CEP128: variants seen among roughly 807,000 people sequenced by gnomAD.
The protein encoded by CEP128 is centrosomal protein 128kDa.
CEP128 carries 132 observed loss-of-function variants against 156.7 expected under a neutral mutation model. That is an observed-to-expected ratio of 0.84 (90% confidence interval 0.73 to 0.97). CEP128 has a LOEUF of 0.97. CEP128 is among the 50% of genes least tolerant of loss of function. The pLI is 0.00. For synonymous variants in CEP128, 469 were observed against 448.9 expected (o/e 1.04, Z -0.57); for missense variants, 1,252 against 1,281.9 (o/e 0.98, Z 0.36).
chr14:80,958,464 GA>G (rs895917063), intron 1 of CEP128, among the ~76,000 whole-genome samples: 1 of 152,068 alleles, frequency 6.6e-6, no homozygotes, highest in Non-Finnish European at 1.5e-5. Context: ...AGGCTTTGGA[GA>G]AAAAAGTCTG....
At chr14:80,653,554 G>A (rs1895003128) in intron 19 of CEP128, among the ~76,000 whole-genome samples, 1 of 152,108 alleles carries the variant, frequency 6.6e-6, no homozygotes, top group African/African-American at 2.4e-5. Context: ...ATGCCATCTA[G>A]GACTTTCATA....
chr14:80,794,243 C>G (rs1206982123), intron 13 of CEP128, among the ~76,000 whole-genome samples: 1 of 152,156 alleles, frequency 6.6e-6, no homozygotes, highest in African/African-American at 2.4e-5. Context: ...GGTTCCAGGT[C>G]CAGATTCTAT....
chr14:80,692,406 A>G (rs1030016339), intron 19 of CEP128, among the ~76,000 whole-genome samples: 1 of 152,216 alleles, frequency 6.6e-6, no homozygotes, highest in Non-Finnish European at 1.5e-5. Context: ...CTATCATGTT[A>G]GATGACATCA....
chr14:80,902,492 T>A (rs553266892), intron 6 of CEP128, among the ~76,000 whole-genome samples: 28 of 152,288 alleles, frequency 1.8e-4, no homozygotes, highest in Admixed American at 5.2e-4. Flanking sequence ...CAGATGAGTA[T>A]CTTAAGATAC....
intron 2 of CEP128, among the ~76,000 whole-genome samples, chr14:80,936,438 T>C (rs536125860): frequency 6.6e-6 from 1 of 152,146 alleles, no homozygotes; most frequent in African/African-American, 2.4e-5. Context: ...GAAGGAGGGA[T>C]GGGAAAATGT....
chr14:80,730,435 C>T (rs1041302083), intron 19 of CEP128, among the ~76,000 whole-genome samples: 4 of 152,136 alleles, frequency 2.6e-5, no homozygotes, highest in African/African-American at 7.2e-5. Context: ...AAATGTTTAA[C>T]GTAAGGGCAA....
Position 80,572,189 on chromosome 14 carries a change from G to C in CEP128, c.2856+8185C>G, listed in dbSNP as rs910639791. 1.3e-5 allele frequency among the ~76,000 whole-genome samples: 2 copies of C among 152,278 alleles called. 1 individual carries two copies. Among genetic ancestry groups the C allele is most frequent in the Admixed American group, 1.3e-4 (2 of 15,296 alleles). On this transcript the variant is annotated intron_variant, in intron 20 of 24. Coordinates refer to ENST00000555265, the MANE Select transcript of CEP128 (RefSeq NM_152446.5). ...AAATAAGTGAGTTTTTAAGATCCCA[G>C]ACTGGGGAAATCCTCTGCAGTGTTT...
At chr14:80,755,453 T>A (rs1899606597) in intron 18 of CEP128, among the ~76,000 whole-genome samples, 1 of 152,190 alleles carries the variant, frequency 6.6e-6, no homozygotes, top group African/African-American at 2.4e-5. Flanking sequence ...GTAAGTATAG[T>A]CCAACTCTCA....
chr14:80,884,912 GA>G (rs1273370008), intron 8 of CEP128, among the ~76,000 whole-genome samples: 3 of 152,210 alleles, frequency 2.0e-5, no homozygotes, highest in Non-Finnish European at 4.4e-5. Context: ...CCACTGGCTT[GA>G]AATTCTTGCT....
chr14:80,572,110 C>T (rs1325566647), intron 20 of CEP128, among the ~76,000 whole-genome samples: 2 of 152,180 alleles, frequency 1.3e-5, no homozygotes. Context: ...TTAGCACAAT[C>T]CTGACGGGAG....
At chr14:80,681,346 A>C (rs1187025724) in intron 19 of CEP128, among the ~76,000 whole-genome samples, 1 of 152,200 alleles carries the variant, frequency 6.6e-6, no homozygotes, top group Non-Finnish European at 1.5e-5. Flanking sequence ...ACCACGAAAA[A>C]TCTGAATGTA....
At chr14:80,921,597 G>A (rs1233057475) in intron 2 of CEP128, among the ~76,000 whole-genome samples, 1 of 152,098 alleles carries the variant, frequency 6.6e-6, no homozygotes, top group African/African-American at 2.4e-5. Flanking sequence ...GAAAGGCAGA[G>A]GTAAAGAGGG....
chr14:80,834,351 C>T (rs770580465), intron 12 of CEP128, among the ~76,000 whole-genome samples: 1 of 152,142 alleles, frequency 6.6e-6, no homozygotes, highest in Non-Finnish European at 1.5e-5. Flanking sequence ...AATGCAACGA[C>T]ATCCTTGGAA....
intron 8 of CEP128, among the ~76,000 whole-genome samples, chr14:80,882,103 GCTT>G (rs1353999123): frequency 6.6e-6 from 1 of 152,046 alleles, no homozygotes; most frequent in Non-Finnish European, 1.5e-5. Context: ...AAGTTAAAAA[GCTT>G]CTGTACAGCA....
intron 2 of CEP128, among the ~76,000 whole-genome samples, chr14:80,938,053 T>A (rs1382386688): frequency 6.6e-6 from 1 of 151,008 alleles, no homozygotes; most frequent in African/African-American, 2.4e-5. Context: ...CATGCCACCA[T>A]GCCTGGCTAA....
At chr14:80,657,301 A>T (rs1404908398) in intron 19 of CEP128, among the ~76,000 whole-genome samples, 3 of 151,864 alleles carry the variant, frequency 2.0e-5, no homozygotes, top group African/African-American at 7.3e-5. Flanking sequence ...ATTTTTCCTA[A>T]AAGGAAGTAA....
intron 19 of CEP128, among the ~76,000 whole-genome samples, chr14:80,674,536 A>G (rs1451006460): frequency 6.6e-6 from 1 of 152,158 alleles, no homozygotes; most frequent in African/African-American, 2.4e-5. Context: ...GTAAGGGATT[A>G]ATTTTCTTCT....
At chr14:80,946,345 T>G (rs1374647699), upstream of CEP128, among the ~76,000 whole-genome samples, 10 of 136,702 alleles carry the variant, frequency 7.3e-5, no homozygotes, top group South Asian at 2.2e-4. Flanking sequence ...TGCCTCATGA[T>G]GCATCATGAT....
intron 19 of CEP128, among the ~76,000 whole-genome samples, chr14:80,711,595 T>C (rs1897410777): frequency 6.6e-6 from 1 of 152,018 alleles, no homozygotes; most frequent in African/African-American, 2.4e-5. Flanking sequence ...AAAGTGGGAA[T>C]AGCTAATAGG....
Sources: allele counts gnomAD v4.1 joint callset (sites outside exome capture counted in the v4.1 genomes callset), GRCh38; gene constraint gnomAD v4.1.1; transcripts MANE v1.5; gene names NCBI Gene and HGNC (gene_info 2026-07-23, HGNC 2026-07-21).